The following RBFOX1 variants were observed in gnomAD, a reference collection of about 807,000 sequenced individuals.
RBFOX1 encodes the protein RNA binding protein fox-1 homolog 1.
RBFOX1 carries 8 observed loss-of-function variants against 57.7 expected under a neutral mutation model. The observed-to-expected ratio is 0.14, with a 90% confidence interval of 0.08 to 0.25. RBFOX1 has a LOEUF of 0.25. RBFOX1 is among the 10% of genes least tolerant of loss of function. The probability of loss-of-function intolerance (pLI) is 1.00; values close to 1 mark genes in which losing one functional copy is unlikely to be tolerated. For missense variants in RBFOX1, 611 were observed against 548.5 expected (o/e 1.11, Z -1.14); for synonymous variants, 326 against 222.4 (o/e 1.47, Z -4.15).
intron 3 of RBFOX1, among the ~76,000 whole-genome samples, chr16:7,024,628 C>T (rs1017968115): frequency 2.0e-5 from 3 of 152,174 alleles, no homozygotes; most frequent in Admixed American, 6.5e-5. Context: ...CTGCCACCAT[C>T]TTTGTTTGAT....
intron 4 of RBFOX1, among the ~76,000 whole-genome samples, chr16:5,998,735 A>G (rs1338347445): frequency 1.3e-5 from 2 of 152,128 alleles, no homozygotes; most frequent in Admixed American, 6.5e-5. Context: ...CTGATTGTCC[A>G]TAATTAAAGT....
At chr16:6,067,288 C>T (rs903727171) in intron 1 of RBFOX1, among the ~76,000 whole-genome samples, 4 of 152,120 alleles carry the variant, frequency 2.6e-5, no homozygotes, top group Non-Finnish European at 4.4e-5. Context: ...TGGGGCTGTA[C>T]TCTTAAAAGC....
At chr16:5,543,994 G>A (rs928328250) in intron 2 of RBFOX1, among the ~76,000 whole-genome samples, 1 of 152,176 alleles carries the variant, frequency 6.6e-6, no homozygotes, top group African/African-American at 2.4e-5. Context: ...TCAATACACT[G>A]CTTACAACAA....
chr16:6,143,959 C>CTATATATATATATATATATATATA (rs71142686), intron 1 of RBFOX1, among the ~76,000 whole-genome samples: 1 of 139,960 alleles, frequency 7.1e-6, no homozygotes, highest in Non-Finnish European at 1.5e-5. Context: ...CCATACTCAG[C>CTATATATATATATATATATATATA]TATATATATA....
At chr16:6,470,216 T>C (rs1169379054) in intron 2 of RBFOX1, among the ~76,000 whole-genome samples, 1 of 152,184 alleles carries the variant, frequency 6.6e-6, no homozygotes, top group Non-Finnish European at 1.5e-5. Context: ...TGTCCCTTTA[T>C]GTCCTGTCTG....
chr16:7,100,745 A>G (rs1011763483), intron 4 of RBFOX1, among the ~76,000 whole-genome samples: 1 of 152,114 alleles, frequency 6.6e-6, no homozygotes. Flanking sequence ...TCAGAGGGGG[A>G]AAAAAGATCC....
intron 4 of RBFOX1, among the ~76,000 whole-genome samples, chr16:7,472,621 C>T (rs558246994): frequency 6.6e-6 from 1 of 152,310 alleles, no homozygotes; most frequent in African/African-American, 2.4e-5. Flanking sequence ...TTCAGTTCTT[C>T]TCCTCCGAGA....
In RBFOX1 at chr16:6,106,170, G is replaced by T. The variant is rs533221847; in HGVS notation, c.-127+86178G>T. ...TGACTTCTTTATCAAGAATCAGGTA[G>T]TTTTGGCCGGGCCCAGTAGCTCCTG... On this transcript the variant is annotated intron_variant, in intron 1 of 15. Coordinates refer to ENST00000550418, the MANE Select transcript of RBFOX1 (RefSeq NM_018723.4). Among the ~76,000 whole-genome samples, 6 of 152,192 alleles carry T rather than the reference G, an allele frequency of 3.9e-5. No individual in the cohort carries two copies. The East Asian group carries it at 9.6e-4, about 24-fold the overall frequency.
At chr16:5,256,686 G>C (rs1406123661) in intron 1 of RBFOX1, among the ~76,000 whole-genome samples, 1 of 152,076 alleles carries the variant, frequency 6.6e-6, no homozygotes, top group Admixed American at 6.6e-5. Flanking sequence ...TGTAATCCTA[G>C]CACTTTGAGA....
At chr16:5,761,292 C>T (rs1036078007) in intron 3 of RBFOX1, among the ~76,000 whole-genome samples, 1 of 152,070 alleles carries the variant, frequency 6.6e-6, no homozygotes, top group African/African-American at 2.4e-5. Flanking sequence ...AGAATGTGCC[C>T]CCCAACTTTT....
chr16:6,450,076 T>C (rs973070967), intron 2 of RBFOX1, among the ~76,000 whole-genome samples: 2 of 152,112 alleles, frequency 1.3e-5, no homozygotes, highest in African/African-American at 2.4e-5. Flanking sequence ...CAGGCATGCC[T>C]TTTGTGCCTC....
At chr16:6,861,823 G>GTGT (rs1555540795) in intron 3 of RBFOX1, among the ~76,000 whole-genome samples, 2 of 92,458 alleles carry the variant, frequency 2.2e-5, no homozygotes, top group Non-Finnish European at 3.9e-5. Context: ...GCGTCCCTTG[G>GTGT]TTTTTTTTTT....
chr16:6,769,445 T>C (rs2077933659), intron 3 of RBFOX1, among the ~76,000 whole-genome samples: 2 of 152,208 alleles, frequency 1.3e-5, no homozygotes. Context: ...ATGAGCTACA[T>C]CTCCACTGCA....
rs140224015 is a variant in RBFOX1, at chr16:5,483,809, G to A, written c.258+16555G>A. Among the ~76,000 whole-genome samples the A allele has an allele frequency of 5.1e-3, 782 of 152,268 alleles. 2 individuals are homozygous for A. The highest frequency in any genetic ancestry group is 8.5e-3 in the Non-Finnish European group (581 of 68,028). On this transcript the variant is annotated intron_variant, in intron 2 of 2. Coordinates refer to the RBFOX1 transcript ENST00000585867. ...ACATTTATTATTTCATGGTTTCTCT[G>A]TGTCGGCATTTGTGCAATGGCTTTG...
chr16:5,705,919 C>CT (rs199910633), intron 3 of RBFOX1, among the ~76,000 whole-genome samples: 1,532 of 151,948 alleles, frequency 0.01, 23 homozygotes, highest in African/African-American at 0.035. Flanking sequence ...TTTTTTCTGT[C>CT]TTTTTTATTG....
At chr16:7,091,343 C>T (rs1169226856) in intron 4 of RBFOX1, among the ~76,000 whole-genome samples, 2 of 151,466 alleles carry the variant, frequency 1.3e-5, no homozygotes, top group Non-Finnish European at 2.9e-5. Context: ...TCGTTTCACA[C>T]TTCATCCTCA....
chr16:6,001,744 A>G (rs1016906786), intron 4 of RBFOX1, among the ~76,000 whole-genome samples: 5 of 152,298 alleles, frequency 3.3e-5, no homozygotes, highest in South Asian at 4.1e-4. Context: ...TATCAACTCT[A>G]TAAGAGTGCA....
intron 1 of RBFOX1, among the ~76,000 whole-genome samples, chr16:5,328,017 A>G (rs1353503741): frequency 2.0e-5 from 3 of 152,228 alleles, no homozygotes; most frequent in Non-Finnish European, 2.9e-5. Context: ...GACCCCGTGT[A>G]GTGACTGAAA....
At chr16:6,871,964 T>TA (rs2060985775) in intron 3 of RBFOX1, among the ~76,000 whole-genome samples, 1 of 147,184 alleles carries the variant, frequency 6.8e-6, no homozygotes, top group African/African-American at 2.5e-5. Flanking sequence ...TGTGTGTGTT[T>TA]CCCTCGGTAG....
Sources: gnomAD v4.1 joint callset for allele counts (sites outside exome capture counted in the v4.1 genomes callset) on GRCh38, gnomAD v4.1.1 for gene constraint, MANE v1.5 for transcripts, NCBI Gene and HGNC (gene_info 2026-07-23, HGNC 2026-07-21) for gene names.